DSE: variants seen among roughly 807,000 people sequenced by gnomAD.
The protein encoded by DSE is dermatan-sulfate epimerase.
In DSE, 36 loss-of-function variants were observed where a neutral mutation model predicts 84.4. The observed-to-expected ratio is 0.43, with a 90% CI of 0.33 to 0.56. The LOEUF (loss-of-function observed/expected upper bound fraction) is 0.56. Ranked by LOEUF, DSE falls within the 20% of genes least tolerant of loss-of-function variation. The pLI is 0.06. For synonymous variants in DSE, 410 were observed against 430.1 expected (o/e 0.95, Z 0.58); for missense variants, 862 against 1,169.6 (o/e 0.74, Z 3.84).
upstream of DSE, chr6:116,366,735 G>C (rs927108569): frequency 6.6e-6 from 1 of 152,194 alleles, no homozygotes; most frequent in African/African-American, 2.4e-5. Context: ...AAGGATCCTA[G>C]ATTTTATGTC....
intron 1 of DSE, 36 bp from the exon 2 acceptor site, chr6:116,399,162 C>T: frequency 6.4e-7 from 1 of 1,568,296 alleles, no homozygotes; most frequent in Admixed American, 1.7e-5. Flanking sequence ...GTTCCCTTGG[C>T]TGACAGACAC....
intron 2 of DSE, among the ~76,000 whole-genome samples, chr6:116,305,540 A>G (rs1775293557): frequency 6.6e-6 from 1 of 152,240 alleles, no homozygotes; most frequent in South Asian, 2.1e-4. Flanking sequence ...ACAGATCACT[A>G]TTAAGGCAAT....
chr6:116,349,955 C>T (rs1414232101), intron 2 of DSE, among the ~76,000 whole-genome samples: 1 of 152,134 alleles, frequency 6.6e-6, no homozygotes, highest in Admixed American at 6.5e-5. Context: ...TTGGCCATAA[C>T]CAAAAGCTCA....
At chr6:116,321,735 C>T (rs1159678690) in intron 2 of DSE, among the ~76,000 whole-genome samples, 1 of 152,122 alleles carries the variant, frequency 6.6e-6, no homozygotes, top group African/African-American at 2.4e-5. Context: ...GATCGCGCCA[C>T]CGCACTCCAG....
intron 5 of DSE, among the ~76,000 whole-genome samples, chr6:116,435,382 A>C (rs1014481730): frequency 5.9e-5 from 9 of 152,218 alleles, no homozygotes; most frequent in Admixed American, 1.3e-4. Context: ...ATCACAAATG[A>C]TAAAGAAATA....
At chr6:116,393,161 G>A (rs1781022963) in intron 1 of DSE, among the ~76,000 whole-genome samples, 1 of 152,192 alleles carries the variant, frequency 6.6e-6, no homozygotes, top group African/African-American at 2.4e-5. Context: ...TTTTGTATAT[G>A]AAGAATTAAA....
intron 2 of DSE, among the ~76,000 whole-genome samples, chr6:116,355,141 T>C (rs756824462): frequency 6.6e-6 from 1 of 152,252 alleles, no homozygotes; most frequent in Non-Finnish European, 1.5e-5. Flanking sequence ...CAACTTTGCA[T>C]ACATACAGTT....
chr6:116,372,015 C>G (rs989020414), intron 1 of DSE, among the ~76,000 whole-genome samples: 1 of 152,178 alleles, frequency 6.6e-6, no homozygotes, highest in African/African-American at 2.4e-5. Context: ...TAGGAATCTT[C>G]GTGTAATAAA....
intron 2 of DSE, among the ~76,000 whole-genome samples, chr6:116,325,599 A>G (rs1240493989): frequency 2.0e-5 from 3 of 152,178 alleles, no homozygotes; most frequent in African/African-American, 7.2e-5. Context: ...TAAGATGTTT[A>G]TACAACGTCT....
chr6:116,307,753 G>A (rs1775436737), intron 2 of DSE, among the ~76,000 whole-genome samples: 1 of 152,106 alleles, frequency 6.6e-6, no homozygotes, highest in African/African-American at 2.4e-5. Context: ...ACAAAACACT[G>A]TGCAGCCCAT....
intron 2 of DSE, among the ~76,000 whole-genome samples, chr6:116,342,578 C>A (rs1185405746): frequency 1.3e-5 from 2 of 152,198 alleles, no homozygotes; most frequent in Non-Finnish European, 2.9e-5. Context: ...CGCACCTGGC[C>A]TATTTTTTGT....
chr6:116,405,213 G>A (rs1781843324), intron 2 of DSE, among the ~76,000 whole-genome samples: 1 of 152,162 alleles, frequency 6.6e-6, no homozygotes, highest in Non-Finnish European at 1.5e-5. Flanking sequence ...GGCTTCAAAT[G>A]CAGTTCTCTG....
intron 2 of DSE, among the ~76,000 whole-genome samples, chr6:116,406,390 A>G (rs1781931643): frequency 6.6e-6 from 1 of 152,240 alleles, no homozygotes; most frequent in Admixed American, 6.5e-5. Flanking sequence ...CTAACATAAA[A>G]ATCTGGCAAG....
intron 2 of DSE, among the ~76,000 whole-genome samples, chr6:116,349,082 C>T (rs1014511157): frequency 2.0e-5 from 3 of 152,040 alleles, no homozygotes; most frequent in East Asian, 3.8e-4. Flanking sequence ...CAAACCTGCA[C>T]GTTGTTCTCA....
intron 2 of DSE, chr6:116,279,480 G>A (rs1323972298): frequency 1.2e-5 from 19 of 1,612,174 alleles, no homozygotes; most frequent in Non-Finnish European, 1.6e-5. Flanking sequence ...GGCTGCGGTC[G>A]GCTGCCATCA....
At chr6:116,411,460 T>C (rs537390824) in intron 2 of DSE, among the ~76,000 whole-genome samples, 10 of 152,338 alleles carry the variant, frequency 6.6e-5, no homozygotes, top group African/African-American at 2.4e-4. Flanking sequence ...GGGCATCAGC[T>C]TGAGTGAGTC....
chr6:116,339,566 AGAG>A (rs1181584269), intron 2 of DSE, among the ~76,000 whole-genome samples: 1 of 152,222 alleles, frequency 6.6e-6, no homozygotes, highest in Non-Finnish European at 1.5e-5. Context: ...TGAATTAAAA[AGAG>A]GAGAAAACAG....
chr6:116,370,987 TGGCGCGGCGGG>T lies in DSE; in HGVS notation c.-180_-170del, dbSNP rs1779512470. ...GGCTGCAGCAGCGCATCCCGGGGCA[TGGCGCGGCGGG>T]GGCGCGGAGGGCTCGGTTCGGAGGG... On this transcript the variant is annotated 5_prime_UTR_variant, in exon 1 of 6. An upstream open reading frame in the 5' UTR loses its in-frame stop. Transcript: ENST00000644252. The T allele has an allele frequency of 2.0e-6, 2 of 985,082 alleles. No homozygotes were observed. The highest frequency in any genetic ancestry group is 2.3e-4 in the East Asian group (2 of 8,746). The allele number at this position is 985,082 out of a possible 1,614,324, so 61.0% of individuals were successfully genotyped here. A position where few individuals can be genotyped will look rare whatever the true frequency, so the allele number is the denominator to read the frequency against.
intron 1 of DSE, among the ~76,000 whole-genome samples, chr6:116,388,543 A>G (rs1780701244): frequency 6.6e-6 from 1 of 152,368 alleles, no homozygotes; most frequent in South Asian, 2.1e-4. Context: ...AGAATTGGTG[A>G]TACAGAATTA....
Sources: allele counts gnomAD v4.1 joint callset (sites outside exome capture counted in the v4.1 genomes callset), GRCh38; gene constraint gnomAD v4.1.1; transcripts MANE v1.5; gene names NCBI Gene and HGNC (gene_info 2026-07-23, HGNC 2026-07-21).